USP13: variants seen among roughly 807,000 people sequenced by gnomAD.
USP13 encodes ubiquitin carboxyl-terminal hydrolase 13.
In USP13, 68 loss-of-function variants were observed where a neutral mutation model predicts 107.8. The ratio of observed to expected loss-of-function variants is 0.63; its 90% CI spans 0.52 to 0.77. The LOEUF is 0.77. USP13 is among the 30% of genes least tolerant of loss of function. USP13 has a pLI of 0.00. For synonymous variants in USP13, 377 were observed against 389.5 expected (o/e 0.97, Z 0.38); for missense variants, 945 against 1,093.3 (o/e 0.86, Z 1.91).
chr3:179,674,153 A>G (rs572751936), intron 1 of USP13, among the ~76,000 whole-genome samples: 11 of 152,182 alleles, frequency 7.2e-5, no homozygotes, highest in Non-Finnish European at 1.2e-4. Flanking sequence ...TCAGCCTCCC[A>G]AAGTGTTGGG....
intron 6 of USP13, among the ~76,000 whole-genome samples, chr3:179,718,910 C>T (rs568269278): frequency 2.2e-4 from 34 of 152,218 alleles, no homozygotes; most frequent in Admixed American, 3.9e-4. Flanking sequence ...GCGCCCGCCA[C>T]CACGCCCGGC....
chr3:179,662,305 G>A lies in USP13; in HGVS notation c.168+8912G>A, dbSNP rs567630454. On this transcript the variant is annotated intron_variant, in intron 1 of 20. Coordinates refer to ENST00000263966, the MANE Select transcript of USP13 (RefSeq NM_003940.3). The stretch of plus-strand genomic sequence containing the variant: ...GAGGGGCCTCTTGGAGTGGAGGTGA[G>A]GTTTGGGGCTCTGACGGCTACATAG... Among the ~76,000 whole-genome samples the A allele has an allele frequency of 1.1e-4, 17 of 152,236 alleles. 1 individual carries two copies. Among genetic ancestry groups the A allele is most frequent in the Admixed American group, 4.6e-4 (7 of 15,290 alleles).
chr3:179,780,442 C>T (rs1715706078), intron 19 of USP13, among the ~76,000 whole-genome samples: 3 of 152,044 alleles, frequency 2.0e-5, no homozygotes, highest in Admixed American at 2.0e-4. Context: ...TAACAATGAA[C>T]ATTCCAGAAA....
intron 13 of USP13, among the ~76,000 whole-genome samples, chr3:179,747,445 G>T (rs145087509): frequency 8.6e-4 from 131 of 152,280 alleles, no homozygotes; most frequent in African/African-American, 3.1e-3. Context: ...GCCGACTGGG[G>T]TATTGTTCAC....
At chr3:179,657,067 T>C (rs1720286639) in intron 1 of USP13, among the ~76,000 whole-genome samples, 1 of 152,214 alleles carries the variant, frequency 6.6e-6, no homozygotes, top group African/African-American at 2.4e-5. Context: ...GAATCCTATC[T>C]CCGTCACTCA....
chr3:179,675,578 C>T (rs1490464438), intron 1 of USP13, among the ~76,000 whole-genome samples: 2 of 149,648 alleles, frequency 1.3e-5, no homozygotes, highest in Non-Finnish European at 3.0e-5. Flanking sequence ...GATGGAGTCT[C>T]GCTCTGTTGC....
chr3:179,708,938 C>A lies in USP13; in HGVS notation c.786C>A (p.Thr262=), dbSNP rs748001382. The change falls in exon 6 of 21, where the codon ACC becomes ACA. Residue 262 remains threonine, a synonymous_variant. Transcript: ENST00000263966. ...ACCCACTAGCCGTGAAACTGGGAAC[C>A]ATCACTCCTGACGGGGCAGGTGAGT... ...MGYPLAVKLG[T]ITPDGADVYS... 3 of 1,614,152 alleles carry A rather than the reference C, an allele frequency of 1.9e-6. No homozygotes were observed. The South Asian group carries it at 3.3e-5, about 18-fold the overall frequency.
intron 2 of USP13, among the ~76,000 whole-genome samples, chr3:179,687,659 C>CAAAAAAAAAA (rs71182509): frequency 0.022 from 408 of 18,502 alleles, 92 homozygotes; most frequent in African/African-American, 0.03. Context: ...AACTCTGTCT[C>CAAAAAAAAAA]AAAAAAAAAA....
chr3:179,722,792 A>G (rs1343337113), intron 8 of USP13, among the ~76,000 whole-genome samples: 4 of 152,224 alleles, frequency 2.6e-5, no homozygotes, highest in Admixed American at 6.5e-5. Context: ...TTTAAAAAGC[A>G]TCATCTGTCT....
intron 1 of USP13, among the ~76,000 whole-genome samples, chr3:179,676,219 G>A (rs1402114258): frequency 4.6e-5 from 7 of 152,172 alleles, no homozygotes; most frequent in Non-Finnish European, 1.0e-4. Flanking sequence ...GGAACTGTGA[G>A]TCAGTTAAAC....
chr3:179,702,034 T>C (rs115694035), intron 4 of USP13, among the ~76,000 whole-genome samples: 3,414 of 152,268 alleles, frequency 0.022, 72 homozygotes, highest in Middle Eastern at 0.12. Flanking sequence ...TTTTTTTCTT[T>C]TTTGAGACGG....
chr3:179,745,265 G>A, intron 13 of USP13, 48 bp downstream of exon 13: 2 of 1,591,272 alleles, frequency 1.3e-6, no homozygotes, highest in South Asian at 2.2e-5. Flanking sequence ...GGGGCCTTGA[G>A]GGGTGGGGAC....
intron 2 of USP13, among the ~76,000 whole-genome samples, chr3:179,684,619 G>C (rs773409712): frequency 6.6e-6 from 1 of 152,086 alleles, no homozygotes; most frequent in Admixed American, 6.5e-5. Context: ...CACTGTGCCT[G>C]GCTACCCTTT....
intron 8 of USP13, among the ~76,000 whole-genome samples, chr3:179,727,616 C>T (rs112436451): frequency 0.056 from 4,807 of 85,630 alleles, 198 homozygotes; most frequent in East Asian, 0.093. Context: ...TTTCCCCACC[C>T]TTCCCCCCTT....
intron 3 of USP13, 96 bp from the exon 4 acceptor site, chr3:179,700,912 C>T: frequency 7.0e-7 from 1 of 1,420,204 alleles, no homozygotes; most frequent in Admixed American, 2.3e-5. Context: ...GGTATTTCAT[C>T]ATCACCTTGG....
In USP13 at chr3:179,739,587, T is replaced by C. The variant is rs140035130; in HGVS notation, c.1255-660T>C. Among the ~76,000 whole-genome samples the C allele has an allele frequency of 2.7e-3, 416 of 152,316 alleles. 2 individuals are homozygous for C. Among genetic ancestry groups the C allele is most frequent in the African/African-American group, 9.6e-3 (398 of 41,558 alleles). On this transcript the variant is annotated intron_variant, in intron 10 of 20. Transcript: ENST00000263966. ...TTATTTATTTATTGAGATGGAGTTTTGCTCTTGTCGCCCAGGCTGGAGTGC... is the reference window on the plus strand; with the variant it reads ...TTATTTATTTATTGAGATGGAGTTTCGCTCTTGTCGCCCAGGCTGGAGTGC...
At chr3:179,659,238 G>C (rs1576905324) in intron 1 of USP13, among the ~76,000 whole-genome samples, 2 of 152,178 alleles carry the variant, frequency 1.3e-5, no homozygotes, top group Non-Finnish European at 2.9e-5. Context: ...CCATCTACTT[G>C]TGGGAACACT....
rs1713300981 is a variant in USP13 at position 179,721,148 on chromosome 3, G to A, written c.901-254G>A. On this transcript the variant is annotated intron_variant, in intron 7 of 20. Coordinates refer to ENST00000263966, the MANE Select transcript of USP13 (RefSeq NM_003940.3). This position sits in a 1 kb window ranked among gnomAD's most constrained non-coding sequence, Gnocchi z 4.3. ...TTTTCATGTGTGTTTTAAAAATTGT[G>A]GTACAATATATATAATATAAAAGCT... Among the ~76,000 whole-genome samples, 1 of 152,018 alleles carries A rather than the reference G, an allele frequency of 6.6e-6. No homozygotes were observed. The highest frequency in any genetic ancestry group is 2.4e-5 in the African/African-American group (1 of 41,368).
chr3:179,713,484 C>T (rs1442676995), intron 6 of USP13, among the ~76,000 whole-genome samples: 1 of 151,462 alleles, frequency 6.6e-6, no homozygotes, highest in Non-Finnish European at 1.5e-5. Flanking sequence ...AATGATGAGC[C>T]TTGTGGACAT....
Sources: gnomAD v4.1 joint callset for allele counts (sites outside exome capture counted in the v4.1 genomes callset) on GRCh38, gnomAD v4.1.1 for gene constraint, Gnocchi (gnomAD v3.1) non-coding constraint, MANE v1.5 for transcripts, NCBI Gene and HGNC (gene_info 2026-07-23, HGNC 2026-07-21) for gene names.